The following ATP2B1 variants were observed in gnomAD, a reference collection of about 807,000 sequenced individuals.
ATP2B1 encodes plasma membrane calcium-transporting ATPase 1.
In ATP2B1, 14 loss-of-function variants were observed where a neutral mutation model predicts 124.2. The observed-to-expected ratio is 0.11, with a 90% CI of 0.07 to 0.18. The LOEUF is 0.18. Among genes scored for constraint, ATP2B1 ranks in the 10% least tolerant of loss-of-function variants. The probability of loss-of-function intolerance (pLI) is 1.00; values close to 1 mark genes in which losing one functional copy is unlikely to be tolerated. For synonymous variants in ATP2B1, 449 were observed against 492.4 expected (o/e 0.91, Z 1.17); for missense variants, 763 against 1,466.1 (o/e 0.52, Z 7.83).
Position 89,677,989 on chromosome 12 carries a change from C to T in ATP2B1, c.-221-21882G>A, listed in dbSNP as rs1445737047. Among the ~76,000 whole-genome samples, 106 of 85,682 alleles carry T rather than the reference C, an allele frequency of 1.2e-3. 2 individuals carry two copies. Among genetic ancestry groups the T allele is most frequent in the South Asian group, 4.0e-3 (9 of 2,256 alleles). The allele number at this position is 85,682 out of a possible 152,430, so 56.2% of individuals were successfully genotyped here. A position where few individuals can be genotyped will look rare whatever the true frequency, so the allele number is the denominator to read the frequency against. ...ATATATATACACACACACACACACACACACACACACACACACACACACACA... is the reference window on the plus strand; with the variant it reads ...ATATATATACACACACACACACACATACACACACACACACACACACACACA... On this transcript the variant is annotated intron_variant, in intron 1 of 20. Coordinates refer to ENST00000428670, the MANE Select transcript of ATP2B1 (RefSeq NM_001366521.1).
At position 89,590,785 on chromosome 12, in the gene ATP2B1, AC is replaced by A; in HGVS notation, c.*198del. On this transcript the variant is annotated 3_prime_UTR_variant, in exon 21 of 21. Coordinates refer to ENST00000428670, the MANE Select transcript of ATP2B1 (RefSeq NM_001366521.1). ...GTTTATCTGTCAGTTCATTTCTCCC[AC>A]CCCCCAAAAAGCACCCTCAGTCTGG... 3.6e-6 allele frequency: 2 copies of A among 553,018 alleles called. No homozygotes were observed. The highest frequency in any genetic ancestry group is 3.1e-6 in the Non-Finnish European group (1 of 321,492). 34.3% of individuals were successfully genotyped at this position (553,018 alleles called of 1,614,324 possible). A position where few individuals can be genotyped will look rare whatever the true frequency, so the allele number is the denominator to read the frequency against.
chr12:89,598,929 T>C (rs374894314), intron 20 of ATP2B1, among the ~76,000 whole-genome samples, 188 bp downstream of exon 20: 2 of 152,180 alleles, frequency 1.3e-5, no homozygotes, highest in African/African-American at 4.8e-5. Context: ...TAGGGGCATA[T>C]AGACACATTC....
intron 2 of ATP2B1, among the ~76,000 whole-genome samples, chr12:89,646,321 T>A (rs1884449425): frequency 6.6e-6 from 1 of 152,042 alleles, no homozygotes; most frequent in Non-Finnish European, 1.5e-5. Flanking sequence ...AATATACAGA[T>A]GATTCTGGAG....
At chr12:89,649,858 G>C (rs945511208) in intron 2 of ATP2B1, among the ~76,000 whole-genome samples, 9 of 152,172 alleles carry the variant, frequency 5.9e-5, no homozygotes, top group Non-Finnish European at 1.2e-4. Context: ...TTGGTGATAA[G>C]TGAGTTCTTG....
chr12:89,600,712 G>A lies in ATP2B1; in HGVS notation c.3168+614C>T, dbSNP rs1416265820. Among the ~76,000 whole-genome samples the A allele has an allele frequency of 2.0e-5, 3 of 150,056 alleles. No homozygotes were observed. In the East Asian group the frequency reaches 5.9e-4, roughly 29 times the overall value. On this transcript the variant is annotated intron_variant, in intron 19 of 20. Coordinates refer to ENST00000428670, the MANE Select transcript of ATP2B1 (RefSeq NM_001366521.1). Reference sequence around the variant, plus strand: ...CTCCCTGGCTAGAGTGCAATGGCGCGATCTTGGCTCACTGCAACCTCTGCC... The same window carrying A: ...CTCCCTGGCTAGAGTGCAATGGCGCAATCTTGGCTCACTGCAACCTCTGCC...
At chr12:89,646,000 T>A (rs1018710244) in intron 2 of ATP2B1, among the ~76,000 whole-genome samples, 8 of 152,118 alleles carry the variant, frequency 5.3e-5, no homozygotes, top group African/African-American at 1.9e-4. Context: ...CAGAAGGGGA[T>A]AAGTGGATTT....
chr12:89,640,107 C>T (rs1331119169), intron 3 of ATP2B1, among the ~76,000 whole-genome samples: 5 of 152,008 alleles, frequency 3.3e-5, no homozygotes, highest in African/African-American at 9.7e-5. Context: ...ACATAGACCA[C>T]GGATACATAT....
intron 1 of ATP2B1, among the ~76,000 whole-genome samples, chr12:89,708,338 A>G (rs1378996342): frequency 2.6e-5 from 4 of 152,094 alleles, no homozygotes; most frequent in African/African-American, 9.7e-5. Context: ...TCGGGCCCGG[A>G]GCAGCGACTC....
chr12:89,619,550 G>A (rs113691079), intron 11 of ATP2B1, among the ~76,000 whole-genome samples: 20,637 of 150,066 alleles, frequency 0.14, 1,848 homozygotes, highest in Non-Finnish European at 0.2. Flanking sequence ...GGCGGAGGGT[G>A]AAGTGAGCTG....
At chr12:89,658,437 G>A (rs967142790) in intron 1 of ATP2B1, among the ~76,000 whole-genome samples, 1 of 152,192 alleles carries the variant, frequency 6.6e-6, no homozygotes, top group Non-Finnish European at 1.5e-5. Flanking sequence ...TGGAGTAGAG[G>A]TAAATAATTG....
chr12:89,602,554 G>A (rs904157944), intron 18 of ATP2B1, among the ~76,000 whole-genome samples: 2 of 152,038 alleles, frequency 1.3e-5, no homozygotes, highest in African/African-American at 4.8e-5. Flanking sequence ...AGCCCAATTA[G>A]ATTACAACTG....
chr12:89,621,532 T>C lies in ATP2B1; in HGVS notation c.1587+17A>G. ...GATTTAAAAATTAATTTTCATAAAT[T>C]ATTTCAAAAACCTTACCAATATTTT... On this transcript the variant is annotated intron_variant, in intron 10 of 20. Coordinates refer to ENST00000428670, the MANE Select transcript of ATP2B1 (RefSeq NM_001366521.1). 1 of 1,473,210 alleles carries C rather than the reference T, an allele frequency of 6.8e-7. No homozygotes were observed. Among genetic ancestry groups the C allele is most frequent in the Non-Finnish European group, 9.2e-7 (1 of 1,091,292 alleles). The allele number at this position is 1,473,210 out of a possible 1,614,324, so 91.3% of individuals were successfully genotyped here.
intron 1 of ATP2B1, among the ~76,000 whole-genome samples, chr12:89,671,788 T>A (rs113699374): frequency 2.0e-5 from 3 of 150,816 alleles, no homozygotes; most frequent in Non-Finnish European, 3.0e-5. Flanking sequence ...TTTTTTTTTT[T>A]ACTGTAAATT....
Position 89,610,490 on chromosome 12 carries a change from C to CT in ATP2B1, c.2265dup (p.Asp756ArgfsTer17). Reference sequence around the variant, plus strand: ...ACTCGAAGTTTTGGCCAAATCTTGTCTATCCTCTCTTGCTCAATCTATAAG... The same window carrying CT: ...ACTCGAAGTTTTGGCCAAATCTTGTCTTATCCTCTCTTGCTCAATCTATAAG... On this transcript the variant is annotated frameshift_variant, in exon 14 of 21. Transcript: ENST00000428670. LOFTEE classifies it high-confidence loss of function. The CT allele has an allele frequency of 6.2e-7, 1 of 1,613,644 alleles. No individual in the cohort carries two copies.
intron 10 of ATP2B1, 46 bp downstream of exon 10, chr12:89,621,503 T>C (rs1879962795): frequency 7.2e-7 from 1 of 1,387,684 alleles, no homozygotes. Flanking sequence ...GTCTGATCAT[T>C]ATAGATTTAA....
chr12:89,607,536 T>C (rs1877153095), intron 15 of ATP2B1, among the ~76,000 whole-genome samples: 1 of 152,204 alleles, frequency 6.6e-6, no homozygotes, highest in Non-Finnish European at 1.5e-5. Flanking sequence ...AGTCTCAATA[T>C]TTGGAGTCCC....
intron 15 of ATP2B1, among the ~76,000 whole-genome samples, chr12:89,606,901 A>G (rs764832643): frequency 9.9e-5 from 15 of 152,098 alleles, no homozygotes; most frequent in Non-Finnish European, 1.6e-4. Context: ...TAACACACTT[A>G]AACTCAATGG....
chr12:89,649,287 C>T (rs376158602), intron 2 of ATP2B1, among the ~76,000 whole-genome samples: 1 of 152,374 alleles, frequency 6.6e-6, no homozygotes, highest in African/African-American at 2.4e-5. Flanking sequence ...AGAGTAGCCA[C>T]AGGGGCTGCA....
In ATP2B1 at chr12:89,590,928, CCA is replaced by C; in HGVS notation, c.*54_*55del. 6.7e-7 allele frequency: 1 copy of C among 1,503,700 alleles called. No individual in the cohort carries two copies. Among genetic ancestry groups the C allele is most frequent in the East Asian group, 2.3e-5 (1 of 44,108 alleles). The allele number at this position is 1,503,700 out of a possible 1,614,324, so 93.1% of individuals were successfully genotyped here. A position where few individuals can be genotyped will look rare whatever the true frequency, so the allele number is the denominator to read the frequency against. On this transcript the variant is annotated 3_prime_UTR_variant, in exon 21 of 21. Coordinates refer to ENST00000428670, the MANE Select transcript of ATP2B1 (RefSeq NM_001366521.1). ...TGTCCATCACAATATGTGAAAAGAC[CCA>C]GTTTCAATTTGTTTCTTTACAATGC...
Sources: allele counts gnomAD v4.1 joint callset (sites outside exome capture counted in the v4.1 genomes callset), GRCh38; gene constraint gnomAD v4.1.1; transcripts MANE v1.5; gene names NCBI Gene and HGNC (gene_info 2026-07-23, HGNC 2026-07-21).